The following CLTC variants were observed in gnomAD, a reference collection of about 807,000 sequenced individuals.
The protein encoded by CLTC is clathrin heavy chain 1.
A neutral mutation model predicts 195.8 loss-of-function variants in CLTC; 16 were observed. That is an observed-to-expected ratio of 0.08 (90% CI 0.06 to 0.12). The LOEUF is 0.12. CLTC is among the 10% of genes least tolerant of loss of function. CLTC has a pLI of 1.00. For synonymous variants in CLTC, 667 were observed against 689.4 expected, an observed-to-expected ratio of 0.97 and a Z score of 0.51; for missense variants, 796 against 2,027.0, an observed-to-expected ratio of 0.39 and a Z score of 11.66.
Position 59,620,185 on chromosome 17 carries a change from C to A in CLTC, c.42+12C>A, listed in dbSNP as rs2031320314. 2 of 1,613,910 alleles carry A rather than the reference C, an allele frequency of 1.2e-6. No homozygotes were observed. Among genetic ancestry groups the A allele is most frequent in the African/African-American group, 2.7e-5 (2 of 75,000 alleles). On this transcript the variant is annotated intron_variant, in intron 1 of 31. Coordinates refer to ENST00000269122, the MANE Select transcript of CLTC (RefSeq NM_004859.4). ...AGGAGCATCTCCAGGTGCGGCCGGGCCCGGGCTGGTGAGGGCTGTGGAGAA... is the reference window on the plus strand; with the variant it reads ...AGGAGCATCTCCAGGTGCGGCCGGGACCGGGCTGGTGAGGGCTGTGGAGAA...
chr17:59,638,251 C>G (rs1482239497), intron 1 of CLTC, among the ~76,000 whole-genome samples: 2 of 151,964 alleles, frequency 1.3e-5, no homozygotes, highest in African/African-American at 4.8e-5. Context: ...GAGCTGTGAT[C>G]ACATCACTGC....
At position 59,683,500 on chromosome 17, in the gene CLTC, C is replaced by G. The variant is rs866876245; in HGVS notation, c.4155C>G (p.Ala1385=). The stretch of plus-strand genomic sequence containing the variant: ...CCATGATGAATCATCCAACTGATGC[C>G]TGGAAAGAAGGGCAATTCAAAGATA... ...IITMMNHPTD[A]WKEGQFKDII... Residue 1385 remains alanine, a synonymous_variant, in exon 26 of 32, where the codon GCC becomes GCG. Coordinates refer to ENST00000269122, the MANE Select transcript of CLTC (RefSeq NM_004859.4). This position sits in a 1 kb window ranked among gnomAD's most constrained non-coding sequence, Gnocchi z 6.1. 1 of 1,613,784 alleles carries G rather than the reference C, an allele frequency of 6.2e-7. No homozygotes were observed. Among genetic ancestry groups the G allele is most frequent in the Admixed American group, 1.7e-5 (1 of 59,986 alleles).
intron 30 of CLTC, among the ~76,000 whole-genome samples, chr17:59,686,299 GA>G (rs949332746): frequency 7.5e-5 from 11 of 145,968 alleles, no homozygotes; most frequent in East Asian, 2.0e-4. Flanking sequence ...GTGAACATGG[GA>G]AAAAAAAAAC....
chr17:59,693,682 C>T, intron 31 of CLTC, 46 bp from the exon 32 acceptor site: 1 of 1,577,342 alleles, frequency 6.3e-7, no homozygotes, highest in Non-Finnish European at 8.6e-7. Context: ...TTTGTCCTGC[C>T]TCCTTGCCCC....
At chr17:59,656,666 A>ATTTTTTTTTTTTTTTTTTTTTTTTTT (rs55669818) in intron 6 of CLTC, among the ~76,000 whole-genome samples, 3 of 96,222 alleles carry the variant, frequency 3.1e-5, no homozygotes, top group Non-Finnish European at 2.1e-5. Flanking sequence ...TATTATTTTA[A>ATTTTTTTTTTTTTTTTTTTTTTTTTT]TTTTTTTTTT....
At chr17:59,639,451 T>C (rs780770878) in intron 1 of CLTC, among the ~76,000 whole-genome samples, 8 of 152,128 alleles carry the variant, frequency 5.3e-5, no homozygotes, top group Non-Finnish European at 1.2e-4. Context: ...TAAAAAAAAC[T>C]TTATCATAGG....
intron 1 of CLTC, among the ~76,000 whole-genome samples, chr17:59,629,429 C>T (rs1217131280): frequency 6.6e-6 from 1 of 152,070 alleles, no homozygotes; most frequent in Admixed American, 6.6e-5. Flanking sequence ...TGTGTATGGC[C>T]TCACAGTTGG....
intron 1 of CLTC, among the ~76,000 whole-genome samples, chr17:59,623,151 T>G (rs1158836784): frequency 6.6e-6 from 1 of 152,188 alleles, no homozygotes. Context: ...CTTTGGGTCT[T>G]CAATTAAAAA....
chr17:59,667,786 T>G (rs771286278), intron 13 of CLTC, among the ~76,000 whole-genome samples: 3 of 152,184 alleles, frequency 2.0e-5, no homozygotes, highest in Non-Finnish European at 2.9e-5. Flanking sequence ...GAAAATCACC[T>G]CAGTTGAGAA....
chr17:59,682,625 C>T lies in CLTC; in HGVS notation c.3601-4C>T. 2.5e-6 allele frequency: 4 copies of T among 1,600,676 alleles called. No homozygotes were observed. Among genetic ancestry groups the T allele is most frequent in the African/African-American group, 1.4e-5 (1 of 73,576 alleles). The stretch of plus-strand genomic sequence containing the variant: ...CTGAATGTGGGTTACCTTTTTTTTT[C>T]CAGGTTGGTGACCGTTGTTATGATG... On this transcript the variant is annotated splice_region_variant and splice_polypyrimidine_tract_variant and intron_variant, in intron 22 of 31. Coordinates refer to ENST00000269122, the MANE Select transcript of CLTC (RefSeq NM_004859.4). This position sits in a 1 kb window ranked among gnomAD's most constrained non-coding sequence, Gnocchi z 6.8.
At chr17:59,662,558 C>T (rs2032634381) in intron 8 of CLTC, among the ~76,000 whole-genome samples, 1 of 152,126 alleles carries the variant, frequency 6.6e-6, no homozygotes, top group Admixed American at 6.6e-5. Context: ...TTGTTTAAAG[C>T]ACTCTGAATA....
At chr17:59,636,285 C>T (rs181590256) in intron 1 of CLTC, among the ~76,000 whole-genome samples, 2 of 152,334 alleles carry the variant, frequency 1.3e-5, no homozygotes, top group East Asian at 3.9e-4. Context: ...TGCTGCTTTG[C>T]TCCCTCTCAA....
chr17:59,693,866 TC>T lies in CLTC; in HGVS notation c.*16del, dbSNP rs769532540. 2.5e-6 allele frequency: 4 copies of T among 1,598,566 alleles called. No homozygotes were observed. The African/African-American group carries it at 5.4e-5, about 22-fold the overall frequency. On this transcript the variant is annotated 3_prime_UTR_variant, in exon 32 of 32. Transcript: ENST00000269122. The stretch of plus-strand genomic sequence containing the variant: ...TACAGCATGTGAGATGAAGCGCTGA[TC>T]CTGTAGTCACCTATTTTCGTACTGA...
intron 31 of CLTC, 168 bp downstream of exon 31, chr17:59,690,879 GAT>G (rs2033281306): frequency 2.2e-6 from 1 of 447,638 alleles, no homozygotes; most frequent in African/African-American, 2.0e-5. Context: ...AGCAGGTGTT[GAT>G]ATTATTCACT....
In CLTC at chr17:59,680,895, C is replaced by T. The variant is rs775788986; in HGVS notation, c.2920-17C>T. The T allele has an allele frequency of 1.3e-6, 2 of 1,577,672 alleles. No individual in the cohort carries two copies. Among genetic ancestry groups the T allele is most frequent in the South Asian group, 1.2e-5 (1 of 83,822 alleles). Reference sequence around the variant, plus strand: ...CAACTTGATTCTCAGTACTTATGTCCCATATATCCTCTGTAGGTTGTACAA... The same window carrying T: ...CAACTTGATTCTCAGTACTTATGTCTCATATATCCTCTGTAGGTTGTACAA... On this transcript the variant is annotated splice_polypyrimidine_tract_variant and intron_variant, in intron 18 of 31. Coordinates refer to ENST00000269122, the MANE Select transcript of CLTC (RefSeq NM_004859.4).
chr17:59,695,582 T>C lies in CLTC; in HGVS notation c.*1730T>C, dbSNP rs1567981002. On this transcript the variant is annotated 3_prime_UTR_variant, in exon 32 of 32. Transcript: ENST00000269122. ...CAGGAGGCTGAGGCATGAGAATCACTTGAACCTGTGAGGCAAAGGTTGTAG... is the reference window on the plus strand; with the variant it reads ...CAGGAGGCTGAGGCATGAGAATCACCTGAACCTGTGAGGCAAAGGTTGTAG... The C allele has an allele frequency of 1.7e-5, 3 of 179,122 alleles. No homozygotes were observed. The highest frequency in any genetic ancestry group is 7.1e-5 in the African/African-American group (3 of 42,324). 11.1% of individuals were successfully genotyped at this position (179,122 alleles called of 1,614,324 possible). A position where few individuals can be genotyped will look rare whatever the true frequency, so the allele number is the denominator to read the frequency against.
intron 1 of CLTC, among the ~76,000 whole-genome samples, chr17:59,631,768 C>T (rs942474789): frequency 1.3e-5 from 2 of 151,546 alleles, no homozygotes; most frequent in South Asian, 2.1e-4. Context: ...CCCAGGCATT[C>T]GAGACTAGCC....
chr17:59,667,170 C>CCAT, intron 13 of CLTC, 193 bp downstream of exon 13: 1 of 403,104 alleles, frequency 2.5e-6, no homozygotes, highest in Admixed American at 4.1e-5. Flanking sequence ...GTGAACCAGA[C>CCAT]CATCTGTTTG....
At chr17:59,675,029 A>G (rs2032934299) in intron 16 of CLTC, among the ~76,000 whole-genome samples, 186 bp downstream of exon 16, 1 of 152,200 alleles carries the variant, frequency 6.6e-6, no homozygotes, top group African/African-American at 2.4e-5. Context: ...GAAACATTAT[A>G]GCTGTCATAG....
Sources: allele counts gnomAD v4.1 joint callset (sites outside exome capture counted in the v4.1 genomes callset), GRCh38; gene constraint gnomAD v4.1.1; non-coding constraint Gnocchi (gnomAD v3.1); transcripts MANE v1.5; gene names NCBI Gene and HGNC (gene_info 2026-07-23, HGNC 2026-07-21).